Variants in CNTN6 observed in about 807,000 individuals in gnomAD.
CNTN6 encodes contactin 6.
Under a neutral mutation model 122.8 loss-of-function variants are expected in CNTN6, and 137 were observed. The observed-to-expected ratio is 1.12, with a 90% CI of 0.97 to 1.29. CNTN6 has a LOEUF of 1.29. Ranked by LOEUF, CNTN6 falls within the 50% of genes most tolerant of loss-of-function variation. The pLI is 0.00. For synonymous variants in CNTN6, 570 were observed against 426.0 expected, an observed-to-expected ratio of 1.34 and a Z score of -4.16; for missense variants, 1,634 against 1,223.4, an observed-to-expected ratio of 1.34 and a Z score of -5.01.
intron 5 of CNTN6, among the ~76,000 whole-genome samples, chr3:1,284,405 A>G (rs1694000356): frequency 6.6e-6 from 1 of 152,176 alleles, no homozygotes; most frequent in African/African-American, 2.4e-5. Context: ...GGTAGGTCAA[A>G]TTGGCAGTGG....
intron 2 of CNTN6, among the ~76,000 whole-genome samples, chr3:1,179,077 G>T (rs991768112): frequency 6.6e-6 from 1 of 152,210 alleles, no homozygotes; most frequent in South Asian, 2.1e-4. Flanking sequence ...ATAGGGGAAG[G>T]CAAAATGGGA....
intron 17 of CNTN6, 43 bp downstream of exon 17, chr3:1,377,118 T>A (rs1709981278): frequency 2.2e-6 from 3 of 1,343,898 alleles, no homozygotes; most frequent in East Asian, 2.3e-5. Context: ...AAAAGAGATT[T>A]AACTGGCCAG....
At chr3:1,304,731 C>T (rs1030183896) in intron 7 of CNTN6, among the ~76,000 whole-genome samples, 6 of 152,048 alleles carry the variant, frequency 3.9e-5, no homozygotes, top group Admixed American at 1.3e-4. Context: ...CAGTGGCTCA[C>T]GCCTGTAATC....
At chr3:1,220,873 C>T (rs931328003) in intron 3 of CNTN6, 60 bp downstream of exon 3, 1 of 1,505,454 alleles carries the variant, frequency 6.6e-7, no homozygotes, top group Non-Finnish European at 8.9e-7. Flanking sequence ...CCAAAACATA[C>T]ACAAAATAAA....
rs1213810406 is a variant in CNTN6, at chr3:1,289,745, G to C, written c.455-5856G>C. On this transcript the variant is annotated intron_variant, in intron 5 of 22. Coordinates refer to ENST00000446702, the MANE Select transcript of CNTN6 (RefSeq NM_001289080.2). Reference sequence around the variant, plus strand: ...GCTGGAGGGCAGGGGCGCGATCTCAGCTCACTGCAAACTCCAACTCCCGGG... The same window carrying C: ...GCTGGAGGGCAGGGGCGCGATCTCACCTCACTGCAAACTCCAACTCCCGGG... 2.7e-5 allele frequency among the ~76,000 whole-genome samples: 4 copies of C among 149,054 alleles called. No individual in the cohort carries two copies. In the Admixed American group the frequency reaches 2.7e-4, roughly 10 times the overall value.
chr3:1,224,850 A>G (rs2094258592), intron 3 of CNTN6, among the ~76,000 whole-genome samples: 1 of 152,112 alleles, frequency 6.6e-6, no homozygotes, highest in Admixed American at 6.5e-5. Flanking sequence ...GACTCAAGCA[A>G]TTCTCCTGCC....
intron 4 of CNTN6, among the ~76,000 whole-genome samples, chr3:1,246,205 C>T (rs2094581579): frequency 6.6e-6 from 1 of 152,130 alleles, no homozygotes; most frequent in African/African-American, 2.4e-5. Context: ...CTAGTTATGA[C>T]ATCCTCCTTC....
At chr3:1,400,731 A>G (rs1460887562) in intron 20 of CNTN6, among the ~76,000 whole-genome samples, 1 of 152,104 alleles carries the variant, frequency 6.6e-6, no homozygotes, top group East Asian at 1.9e-4. Context: ...CTCTGAACAG[A>G]GGAGGTTTTA....
At chr3:1,268,914 G>C (rs981989110) in intron 4 of CNTN6, among the ~76,000 whole-genome samples, 4 of 152,058 alleles carry the variant, frequency 2.6e-5, no homozygotes, top group African/African-American at 4.8e-5. Context: ...CCAGAGATTT[G>C]AGGTTACAGT....
chr3:1,277,209 A>G (rs1190404530), intron 4 of CNTN6, among the ~76,000 whole-genome samples: 1 of 152,214 alleles, frequency 6.6e-6, no homozygotes. Flanking sequence ...TAAATGATGT[A>G]TTCATTTTAA....
intron 2 of CNTN6, among the ~76,000 whole-genome samples, chr3:1,203,013 C>G (rs779176991): frequency 2.0e-5 from 3 of 152,114 alleles, no homozygotes; most frequent in Non-Finnish European, 4.4e-5. Flanking sequence ...AGTGATCATC[C>G]ACTCTCAACA....
chr3:1,281,395 T>C (rs533039587), intron 5 of CNTN6, among the ~76,000 whole-genome samples: 1 of 151,672 alleles, frequency 6.6e-6, no homozygotes, highest in South Asian at 2.1e-4. Flanking sequence ...CGTGTGTAAG[T>C]ATTAAACAAA....
chr3:1,342,577 C>A (rs1452875893), intron 11 of CNTN6, among the ~76,000 whole-genome samples: 1 of 152,008 alleles, frequency 6.6e-6, no homozygotes, highest in African/African-American at 2.4e-5. Flanking sequence ...TTTAATTACA[C>A]TCTGCCTAAT....
At chr3:1,253,314 T>C (rs2094700858) in intron 4 of CNTN6, among the ~76,000 whole-genome samples, 1 of 152,180 alleles carries the variant, frequency 6.6e-6, no homozygotes, top group Admixed American at 6.5e-5. Flanking sequence ...CTCACTAGTC[T>C]TGTTCTGCGA....
At position 1,160,344 on chromosome 3, in the gene CNTN6, G is replaced by GTATGTATATATATATATATATATA. The variant is rs1158623079; in HGVS notation, c.55+12284_55+12285insGTATATATATATATATATATATAT. On this transcript the variant is annotated intron_variant, in intron 2 of 22. Transcript: ENST00000446702. ...TCTCATCACACAATTTACTTTTACTGTATATATATATATATATATATATAC... is the reference window on the plus strand; with the variant it reads ...TCTCATCACACAATTTACTTTTACTGTATGTATATATATATATATATATATATATATATATATATATATATATAC... Among the ~76,000 whole-genome samples the GTATGTATATATATATATATATATA allele has an allele frequency of 3.6e-5, 4 of 111,130 alleles. No individual in the cohort carries two copies. In the South Asian group the frequency reaches 9.9e-4, roughly 27 times the overall value. 72.9% of individuals were successfully genotyped at this position (111,130 alleles called of 152,430 possible). A position where few individuals can be genotyped will look rare whatever the true frequency, so the allele number is the denominator to read the frequency against.
chr3:1,394,954 G>C (rs761270953), intron 20 of CNTN6, among the ~76,000 whole-genome samples: 1 of 152,138 alleles, frequency 6.6e-6, no homozygotes, highest in African/African-American at 2.4e-5. Context: ...ATAATAATCA[G>C]AAATTCTAAA....
At chr3:1,382,895 T>G (rs1235764649) in intron 17 of CNTN6, 47 bp from the exon 18 acceptor site, 1 of 1,235,718 alleles carries the variant, frequency 8.1e-7, no homozygotes, top group Non-Finnish European at 1.2e-6. Context: ...AGTAGCTTAA[T>G]AAAATATTTT....
intron 4 of CNTN6, among the ~76,000 whole-genome samples, chr3:1,230,962 G>A (rs527768355): frequency 6.6e-6 from 1 of 152,156 alleles, no homozygotes; most frequent in Non-Finnish European, 1.5e-5. Context: ...TGCAAGTGAT[G>A]TGCCAACCCC....
intron 1 of CNTN6, among the ~76,000 whole-genome samples, chr3:1,147,586 A>G (rs2092749597): frequency 8.1e-6 from 1 of 122,996 alleles, no homozygotes; most frequent in Non-Finnish European, 1.7e-5. Context: ...GAAAATTATG[A>G]TGCAACCCCC....
Sources: allele counts gnomAD v4.1 joint callset (sites outside exome capture counted in the v4.1 genomes callset), GRCh38; gene constraint gnomAD v4.1.1; transcripts MANE v1.5; gene names NCBI Gene and HGNC (gene_info 2026-07-23, HGNC 2026-07-21).